The following LARGE1 variants were observed in gnomAD, a reference collection of about 807,000 sequenced individuals.
The protein encoded by LARGE1 is LARGE xylosyl- and glucuronyltransferase 1.
In LARGE1, 43 loss-of-function variants were observed where a neutral mutation model predicts 87.6. That is an observed-to-expected ratio of 0.49 (90% confidence interval 0.38 to 0.63). The LOEUF (loss-of-function observed/expected upper bound fraction) is 0.63. Ranked by LOEUF, LARGE1 falls within the 30% of genes least tolerant of loss-of-function variation. The probability of loss-of-function intolerance (pLI) is 0.00; values close to 1 mark genes in which losing one functional copy is unlikely to be tolerated. For synonymous variants in LARGE1, 434 were observed against 394.6 expected (o/e 1.10, Z -1.18); for missense variants, 802 against 1,000.2 (o/e 0.80, Z 2.67).
intron 13 of LARGE1, among the ~76,000 whole-genome samples, chr22:33,280,146 G>C (rs1207181904): frequency 6.6e-6 from 1 of 151,986 alleles, no homozygotes; most frequent in Non-Finnish European, 1.5e-5. Flanking sequence ...TGCCTGCCTG[G>C]GTTCCAATTC....
intron 11 of LARGE1, among the ~76,000 whole-genome samples, chr22:33,212,889 G>C (rs1211374946): frequency 6.6e-6 from 1 of 152,048 alleles, no homozygotes; most frequent in South Asian, 2.1e-4. Context: ...GTGGTGGTGG[G>C]CACCTGTAAT....
At chr22:33,328,478 GC>G (rs1252854373) in intron 10 of LARGE1, among the ~76,000 whole-genome samples, 1 of 152,022 alleles carries the variant, frequency 6.6e-6, no homozygotes, top group African/African-American at 2.4e-5. Flanking sequence ...TACTCGAGAG[GC>G]TGAGGCAGAG....
rs146653895 is a variant in LARGE1, at chr22:33,603,147, A to G, written c.615+1288T>C. 3.8e-3 allele frequency among the ~76,000 whole-genome samples: 580 copies of G among 152,364 alleles called. 4 individuals carry two copies. Among genetic ancestry groups the G allele is most frequent in the African/African-American group, 0.013 (553 of 41,596 alleles). ...CAAATGCTAAATTCTGAACATCTCC[A>G]TCAACCTCAGAGCCTGAAATATGTG... is the stretch of plus-strand genomic sequence containing the variant. On this transcript the variant is annotated intron_variant, in intron 5 of 14. Coordinates refer to ENST00000397394, the MANE Select transcript of LARGE1 (RefSeq NM_133642.5).
intron 5 of LARGE1, among the ~76,000 whole-genome samples, chr22:33,597,446 G>T (rs766804502): frequency 5.3e-5 from 8 of 152,208 alleles, no homozygotes; most frequent in Middle Eastern, 3.4e-3. Context: ...CCCCCTACAT[G>T]ACAGGAACAA....
At chr22:33,357,910 AG>A (rs1207375715) in intron 9 of LARGE1, among the ~76,000 whole-genome samples, 12 of 152,194 alleles carry the variant, frequency 7.9e-5, no homozygotes, top group African/African-American at 2.9e-4. Context: ...TAAAGTCATG[AG>A]GATGACTTTA....
chr22:33,197,160 A>G (rs988827203), intron 11 of LARGE1, among the ~76,000 whole-genome samples: 3 of 151,602 alleles, frequency 2.0e-5, no homozygotes, highest in African/African-American at 7.3e-5. Flanking sequence ...ATTAAAGAAG[A>G]GCTACAAAAA....
intron 1 of LARGE1, among the ~76,000 whole-genome samples, chr22:33,790,546 TTTG>T (rs2085791141): frequency 6.6e-6 from 1 of 152,214 alleles, no homozygotes; most frequent in South Asian, 2.1e-4. Context: ...CCAATATATA[TTTG>T]TTAAGTGAAT....
intron 2 of LARGE1, among the ~76,000 whole-genome samples, chr22:33,755,069 A>G (rs1355334356): frequency 6.6e-6 from 1 of 152,190 alleles, no homozygotes; most frequent in African/African-American, 2.4e-5. Context: ...TTAACTTACA[A>G]TTCTTTCACT....
intron 11 of LARGE1, among the ~76,000 whole-genome samples, chr22:33,229,519 A>T (rs1445090234): frequency 6.6e-6 from 1 of 152,156 alleles, no homozygotes; most frequent in African/African-American, 2.4e-5. Context: ...AGTATGGTAG[A>T]TGTAAATAGA....
chr22:33,625,698 A>G (rs2079898943), intron 4 of LARGE1, among the ~76,000 whole-genome samples: 1 of 152,146 alleles, frequency 6.6e-6, no homozygotes. Context: ...CCTCCTTCTC[A>G]ATGTATGTTC....
rs1358320451 is a variant in LARGE1, at chr22:33,274,556, A to T, written c.2142T>A (p.Ile714=). 1 of 1,614,010 alleles carries T rather than the reference A, an allele frequency of 6.2e-7. No homozygotes were observed. The highest frequency in any genetic ancestry group is 1.3e-5 in the African/African-American group (1 of 74,910). The change falls in exon 15 of 15, where the codon ATT becomes ATA. Residue 714 remains isoleucine, a synonymous_variant. Transcript: ENST00000397394. ...ATTGCTTGTTGGAACGGAACTTGGT[A>T]ATGTCGAAGCTGGGGGCATGAGGCA... The part of the protein sequence containing the change: ...IHMPHAPSFD[I]TKFRSNKQYR...
intron 6 of LARGE1, among the ~76,000 whole-genome samples, chr22:33,481,407 T>G (rs935432322): frequency 2.6e-5 from 4 of 152,188 alleles, no homozygotes; most frequent in African/African-American, 9.6e-5. Flanking sequence ...GGGCCATTAT[T>G]TTTTTAAATG....
chr22:33,904,234 C>A (rs1419091898), intron 1 of LARGE1, among the ~76,000 whole-genome samples: 1 of 152,140 alleles, frequency 6.6e-6, no homozygotes, highest in Non-Finnish European at 1.5e-5. Flanking sequence ...GGGCTCACTG[C>A]AACCTCCGAC....
the LARGE1 span, among the ~76,000 whole-genome samples, chr22:33,131,007 C>T: frequency 1.6e-5 from 2 of 124,126 alleles, no homozygotes; most frequent in Admixed American, 9.8e-5. Flanking sequence ...GCACTCCAGC[C>T]TGGGCGACAG....
rs5999121 is a variant in LARGE1 at position 33,849,415 on chromosome 22, G to C, written c.-83+70580C>G. On this transcript the variant is annotated intron_variant, in intron 1 of 14. Coordinates refer to ENST00000397394, the MANE Select transcript of LARGE1 (RefSeq NM_133642.5). ...TATCTCAGAGGATACGAATGCTATA[G>C]GGTGAGGGCAGGAGCTCCAGTCTAC... 3.7e-3 allele frequency among the ~76,000 whole-genome samples: 564 copies of C among 152,160 alleles called. 5 individuals carry two copies. Among genetic ancestry groups the C allele is most frequent in the African/African-American group, 0.013 (522 of 41,510 alleles).
At chr22:33,584,226 C>T (rs527852466) in intron 5 of LARGE1, among the ~76,000 whole-genome samples, 19 of 152,240 alleles carry the variant, frequency 1.2e-4, no homozygotes, top group Admixed American at 2.0e-4. Context: ...CTTTGGGCAA[C>T]GAAAGCCTGT....
chr22:33,717,318 T>A (rs1203329892), intron 2 of LARGE1, among the ~76,000 whole-genome samples: 2 of 152,206 alleles, frequency 1.3e-5, no homozygotes, highest in African/African-American at 4.8e-5. Flanking sequence ...CAGTGAGTGC[T>A]TCTGACTGAT....
At chr22:33,484,570 A>G (rs189433678) in intron 6 of LARGE1, among the ~76,000 whole-genome samples, 18 of 152,336 alleles carry the variant, frequency 1.2e-4, no homozygotes, top group Non-Finnish European at 7.4e-5. Context: ...CAGAGCTTCA[A>G]AACTAGAATT....
At chr22:33,761,288 T>C in intron 2 of LARGE1, 83 bp downstream of exon 2, 2 of 1,094,182 alleles carry the variant, frequency 1.8e-6, no homozygotes, top group South Asian at 2.5e-5. Flanking sequence ...ATTAGATGGC[T>C]TTGAGTTTCT....
Sources: allele counts gnomAD v4.1 joint callset (sites outside exome capture counted in the v4.1 genomes callset), GRCh38; gene constraint gnomAD v4.1.1; transcripts MANE v1.5; gene names NCBI Gene and HGNC (gene_info 2026-07-23, HGNC 2026-07-21).